Variants in UBASH3B observed in about 807,000 individuals in gnomAD.
UBASH3B encodes ubiquitin associated and SH3 domain containing B, also known as ubiquitin-associated and SH3 domain-containing protein B.
In UBASH3B, 37 loss-of-function variants were observed where a neutral mutation model predicts 83.4. The ratio of observed to expected loss-of-function variants is 0.44; its 90% CI spans 0.34 to 0.58. The LOEUF is 0.58. UBASH3B is among the 20% of genes least tolerant of loss of function. UBASH3B has a pLI of 0.01. For synonymous variants in UBASH3B, 304 were observed against 318.3 expected (o/e 0.96, Z 0.48); for missense variants, 657 against 827.2 (o/e 0.79, Z 2.52).
At chr11:122,767,771 C>T (rs1034151415) in intron 1 of UBASH3B, among the ~76,000 whole-genome samples, 2 of 152,166 alleles carry the variant, frequency 1.3e-5, no homozygotes, top group African/African-American at 4.8e-5. Flanking sequence ...CATTGGGCAG[C>T]ATTCACAGAG....
intron 5 of UBASH3B, among the ~76,000 whole-genome samples, chr11:122,785,826 C>G (rs1008381160): frequency 6.6e-6 from 1 of 152,146 alleles, no homozygotes; most frequent in Non-Finnish European, 1.5e-5. Flanking sequence ...TGGAAAGGCT[C>G]TAATGTAATA....
chr11:122,700,976 C>T (rs1451826536), intron 1 of UBASH3B, among the ~76,000 whole-genome samples: 2 of 152,226 alleles, frequency 1.3e-5, no homozygotes, highest in Non-Finnish European at 2.9e-5. Context: ...CCCTGCTCCA[C>T]ATTAAACCAG....
rs11218760 is a variant in UBASH3B at position 122,694,556 on chromosome 11, G to A, written c.161+38346G>A. Among the ~76,000 whole-genome samples the A allele has an allele frequency of 7.4e-3, 1,119 of 152,096 alleles. 37 individuals carry two copies. The East Asian group carries it at 0.11, about 15-fold the overall frequency. On this transcript the variant is annotated intron_variant, in intron 1 of 13. Transcript: ENST00000284273. ...ACTGCAGTCCAGTCTGGGCAATATA[G>A]CAAGACTCTGTCTCTAAAAAAACTT...
rs190130523 is a variant in UBASH3B at position 122,666,166 on chromosome 11, A to T, written c.161+9956A>T. Among the ~76,000 whole-genome samples, 340 of 152,240 alleles carry T rather than the reference A, an allele frequency of 2.2e-3. 2 individuals are homozygous for T. The highest frequency in any genetic ancestry group is 7.5e-3 in the African/African-American group (313 of 41,538). On this transcript the variant is annotated intron_variant, in intron 1 of 13. Coordinates refer to ENST00000284273, the MANE Select transcript of UBASH3B (RefSeq NM_032873.5). ...ATTTCTTTCAGGTTTTGTTGGGTGAACCTTCTTGGTGATTCAGGTAGCAGG... is the reference window on the plus strand; with the variant it reads ...ATTTCTTTCAGGTTTTGTTGGGTGATCCTTCTTGGTGATTCAGGTAGCAGG...
At chr11:122,684,755 G>A (rs998729175) in intron 1 of UBASH3B, among the ~76,000 whole-genome samples, 4 of 152,022 alleles carry the variant, frequency 2.6e-5, no homozygotes, top group African/African-American at 2.4e-5. Flanking sequence ...GCACCACCAC[G>A]CCCAGCTAAT....
intron 1 of UBASH3B, among the ~76,000 whole-genome samples, chr11:122,698,924 C>G (rs1008602747): frequency 6.6e-6 from 1 of 152,134 alleles, no homozygotes; most frequent in South Asian, 2.1e-4. Flanking sequence ...GATCTCGGCT[C>G]GCTGCAACAT....
intron 1 of UBASH3B, among the ~76,000 whole-genome samples, chr11:122,707,535 C>CTTTTTAT (rs1455889707): frequency 6.6e-6 from 1 of 151,950 alleles, no homozygotes; most frequent in Non-Finnish European, 1.5e-5. Flanking sequence ...GACAGCTTAT[C>CTTTTTAT]TTTTTATTTT....
chr11:122,719,821 C>T (rs1860591292), intron 1 of UBASH3B, among the ~76,000 whole-genome samples: 1 of 152,178 alleles, frequency 6.6e-6, no homozygotes, highest in African/African-American at 2.4e-5. Flanking sequence ...CACAGTAGTG[C>T]CATATATTGT....
At chr11:122,755,277 C>A (rs1363754671) in intron 1 of UBASH3B, among the ~76,000 whole-genome samples, 1 of 152,208 alleles carries the variant, frequency 6.6e-6, no homozygotes, top group Non-Finnish European at 1.5e-5. Flanking sequence ...TGCAGCTCCA[C>A]TCCCATCTCT....
rs905311717 is a variant in UBASH3B at position 122,758,681 on chromosome 11, C to G, written c.162-17538C>G. Among the ~76,000 whole-genome samples the G allele has an allele frequency of 3.3e-5, 5 of 152,180 alleles. No homozygotes were observed. The highest frequency in any genetic ancestry group is 7.3e-5 in the Non-Finnish European group (5 of 68,040). ...TCTGTGCGATTATAAGTAGATGCAC[C>G]TGCCACTCCACGCCACTCTACTCCC... On this transcript the variant is annotated intron_variant, in intron 1 of 13. Transcript: ENST00000284273. This position sits in a 1 kb window ranked among gnomAD's most constrained non-coding sequence, Gnocchi z 4.2.
chr11:122,752,762 A>G (rs747981373), intron 1 of UBASH3B, among the ~76,000 whole-genome samples: 17 of 152,220 alleles, frequency 1.1e-4, no homozygotes, highest in Non-Finnish European at 2.4e-4. Flanking sequence ...CTCAAGGATT[A>G]TGACAGTGGG....
At position 122,777,179 on chromosome 11, in the gene UBASH3B, TC is replaced by T; in HGVS notation, c.376del (p.His126ThrfsTer52). ...GGGAAGAACAAGGCACACAACATCT[TC>T]CCCCACATCACACTCTGCCAGTTCT... Reference protein sequence around the residue: ...ICGKNKAHNIFPHITLCQFFM... With the variant: ...ICGKNKAHNIXPHITLCQFFM... On this transcript the variant is annotated frameshift_variant, in exon 3 of 14. Coordinates refer to ENST00000284273, the MANE Select transcript of UBASH3B (RefSeq NM_032873.5). LOFTEE classifies it high-confidence loss of function. 7.4e-6 allele frequency: 12 copies of T among 1,613,442 alleles called. No individual in the cohort carries two copies. Among genetic ancestry groups the T allele is most frequent in the African/African-American group, 1.3e-5 (1 of 74,920 alleles).
rs535648863 is a variant in UBASH3B, at chr11:122,805,572, AAAAT to A, written c.1596-826_1596-823del. On this transcript the variant is annotated intron_variant, in intron 11 of 13. Coordinates refer to ENST00000284273, the MANE Select transcript of UBASH3B (RefSeq NM_032873.5). ...AACAACAACAAAAAACAAATAACAA[AAAAT>A]AAATAAATAAAAATTTTAAAAAATA... Among the ~76,000 whole-genome samples, 388 of 152,270 alleles carry A rather than the reference AAAAT, an allele frequency of 2.5e-3. 2 individuals carry two copies. The highest frequency in any genetic ancestry group is 8.7e-3 in the African/African-American group (362 of 41,548).
chr11:122,741,488 G>A (rs1861023681), intron 1 of UBASH3B, among the ~76,000 whole-genome samples: 1 of 152,248 alleles, frequency 6.6e-6, no homozygotes, highest in Non-Finnish European at 1.5e-5. Flanking sequence ...TTTCAAGCCC[G>A]TCTCTTTAAG....
At chr11:122,691,548 T>C (rs931920938) in intron 1 of UBASH3B, among the ~76,000 whole-genome samples, 1 of 152,226 alleles carries the variant, frequency 6.6e-6, no homozygotes, top group African/African-American at 2.4e-5. Flanking sequence ...ACCGGGGTGC[T>C]GCTGGACTCT....
chr11:122,687,598 A>G (rs545216207), intron 1 of UBASH3B, among the ~76,000 whole-genome samples: 69 of 152,248 alleles, frequency 4.5e-4, no homozygotes, highest in African/African-American at 1.6e-3. Flanking sequence ...TGCTTCTACT[A>G]TGTGTTTTGT....
At chr11:122,673,029 C>T (rs1223506617) in intron 1 of UBASH3B, among the ~76,000 whole-genome samples, 1 of 152,206 alleles carries the variant, frequency 6.6e-6, no homozygotes, top group Non-Finnish European at 1.5e-5. Context: ...GAGCAATGGC[C>T]TTAGGAAAGA....
chr11:122,779,729 C>G, intron 4 of UBASH3B, 34 bp downstream of exon 4: 1 of 1,612,484 alleles, frequency 6.2e-7, no homozygotes, highest in South Asian at 1.1e-5. Flanking sequence ...GCCCTGGGCC[C>G]TGTCAATCAA....
chr11:122,716,660 G>A (rs78829446), intron 1 of UBASH3B, among the ~76,000 whole-genome samples: 3 of 152,142 alleles, frequency 2.0e-5, no homozygotes, highest in African/African-American at 4.8e-5. Flanking sequence ...AGTCTGCCCC[G>A]CTCTGTAAGG....
Sources: gnomAD v4.1 joint callset for allele counts (sites outside exome capture counted in the v4.1 genomes callset) on GRCh38, gnomAD v4.1.1 for gene constraint, Gnocchi (gnomAD v3.1) non-coding constraint, MANE v1.5 for transcripts, NCBI Gene and HGNC (gene_info 2026-07-23, HGNC 2026-07-21) for gene names.